Variants in LEF1 observed in about 807,000 individuals in gnomAD.
LEF1 encodes the protein lymphoid enhancer binding factor 1.
A neutral mutation model predicts 51.2 loss-of-function variants in LEF1; 14 were observed. That is an observed-to-expected ratio of 0.27 (90% CI 0.18 to 0.43). LEF1 has a LOEUF of 0.43. Among genes scored for constraint, LEF1 ranks in the 20% least tolerant of loss-of-function variants. The probability of loss-of-function intolerance (pLI) is 1.00; values close to 1 mark genes in which losing one functional copy is unlikely to be tolerated. For missense variants in LEF1, 386 were observed against 512.0 expected (o/e 0.75, Z 2.37); for synonymous variants, 185 against 183.2 (o/e 1.01, Z -0.08).
chr4:108,113,689 T>C (rs1281050692), intron 3 of LEF1, among the ~76,000 whole-genome samples: 1 of 152,164 alleles, frequency 6.6e-6, no homozygotes, highest in Non-Finnish European at 1.5e-5. Context: ...GATGGGCAAA[T>C]GCAAAACAGC....
At chr4:108,077,944 G>A (rs995544888) in intron 8 of LEF1, among the ~76,000 whole-genome samples, 1 of 152,194 alleles carries the variant, frequency 6.6e-6, no homozygotes, top group Non-Finnish European at 1.5e-5. Flanking sequence ...GGGAGGTTGA[G>A]GTGGGAGGAT....
intron 3 of LEF1, among the ~76,000 whole-genome samples, chr4:108,135,607 G>T (rs1008814427): frequency 3.3e-5 from 5 of 152,170 alleles, no homozygotes; most frequent in Non-Finnish European, 7.3e-5. Context: ...CTGCTAGCCG[G>T]CAAGAACAGG....
chr4:108,060,366 C>T (rs1560758132), intron 11 of LEF1, among the ~76,000 whole-genome samples: 5 of 152,088 alleles, frequency 3.3e-5, no homozygotes, highest in African/African-American at 1.2e-4. Context: ...CAAAGCAGAC[C>T]AGAAAGTTGG....
intron 3 of LEF1, among the ~76,000 whole-genome samples, chr4:108,113,150 T>C (rs538014507): frequency 1.9e-4 from 29 of 152,212 alleles, no homozygotes; most frequent in Non-Finnish European, 4.3e-4. Context: ...TTTAGTGCCA[T>C]ACAGTTCACT....
At chr4:108,079,007 C>T (rs1448094559) in intron 7 of LEF1, among the ~76,000 whole-genome samples, 1 of 152,208 alleles carries the variant, frequency 6.6e-6, no homozygotes, top group Non-Finnish European at 1.5e-5. Flanking sequence ...CCTGCACTCA[C>T]AGTCTGAGAC....
At chr4:108,121,108 C>T (rs1742153616) in intron 3 of LEF1, among the ~76,000 whole-genome samples, 3 of 152,198 alleles carry the variant, frequency 2.0e-5, no homozygotes, top group South Asian at 4.1e-4. Context: ...TAAAAAGACA[C>T]ATGTGCTTAA....
chr4:108,143,078 G>T (rs139309791), intron 3 of LEF1, among the ~76,000 whole-genome samples: 1 of 152,094 alleles, frequency 6.6e-6, no homozygotes, highest in Admixed American at 6.5e-5. Flanking sequence ...AGTAATTGGC[G>T]AACAAAAGCC....
chr4:108,086,034 A>G (rs994754051), intron 4 of LEF1, among the ~76,000 whole-genome samples: 2 of 152,224 alleles, frequency 1.3e-5, no homozygotes, highest in African/African-American at 4.8e-5. Flanking sequence ...GACCCATTCC[A>G]TATGCTGGGT....
At chr4:108,137,837 A>T (rs1202260439) in intron 3 of LEF1, among the ~76,000 whole-genome samples, 1 of 152,206 alleles carries the variant, frequency 6.6e-6, no homozygotes, top group Non-Finnish European at 1.5e-5. Flanking sequence ...TATAGAATAT[A>T]TCAACCCAAT....
rs1745472584 is a variant in LEF1, at chr4:108,167,308, G to C, written c.213+247C>G. Among the ~76,000 whole-genome samples, 1 of 149,668 alleles carries C rather than the reference G, an allele frequency of 6.7e-6. No individual in the cohort carries two copies. Among genetic ancestry groups the C allele is most frequent in the Non-Finnish European group, 1.5e-5 (1 of 67,710 alleles). On this transcript the variant is annotated intron_variant, in intron 1 of 11. Transcript: ENST00000265165. This position sits in a 1 kb window ranked among gnomAD's most constrained non-coding sequence, Gnocchi z 5.7. ...GTTCAGCCACCGAACCCCCTAAACT[G>C]ATCCATTTGGAATAAGTTACCCTGC...
chr4:108,073,170 G>A (rs947095005), intron 8 of LEF1, among the ~76,000 whole-genome samples: 1 of 152,200 alleles, frequency 6.6e-6, no homozygotes, highest in African/African-American at 2.4e-5. Flanking sequence ...CAGATCACTG[G>A]AGGCCAGTGG....
At chr4:108,059,183 G>A (rs181570600) in intron 11 of LEF1, among the ~76,000 whole-genome samples, 48 of 152,282 alleles carry the variant, frequency 3.2e-4, no homozygotes, top group African/African-American at 9.1e-4. Flanking sequence ...AGAAACATAC[G>A]GGGAGACAGG....
Position 108,089,223 on chromosome 4 carries a change from G to T in LEF1, c.449C>A (p.Ala150Glu). The T allele has an allele frequency of 2.5e-6, 4 of 1,613,938 alleles. No homozygotes were observed. The highest frequency in any genetic ancestry group is 1.7e-6 in the Non-Finnish European group (2 of 1,179,896). ...NKVPVVQPSHAVHPLTPLITY... is the reference protein window; with the variant it reads ...NKVPVVQPSHEVHPLTPLITY... Reference sequence around the variant, plus strand: ...GATGAGGGGGGTGAGAGGATGGACCGCATGGGATGGCTGCACCACGGGCAC... The same window carrying T: ...GATGAGGGGGGTGAGAGGATGGACCTCATGGGATGGCTGCACCACGGGCAC... The change falls in exon 4 of 12, where the codon GCG (alanine) becomes GAG (glutamate). Residue 150 changes from alanine (A) to glutamate (E), a missense_variant. Ala to Glu is a moderately radical substitution (Grantham distance 107, BLOSUM62 -1). Coordinates refer to ENST00000265165, the MANE Select transcript of LEF1 (RefSeq NM_016269.5).
At chr4:108,085,745 G>A (rs1329722540) in intron 4 of LEF1, among the ~76,000 whole-genome samples, 1 of 152,142 alleles carries the variant, frequency 6.6e-6, no homozygotes, top group Non-Finnish European at 1.5e-5. Flanking sequence ...TCCTCTCATA[G>A]GCAATTTTCT....
At chr4:108,086,728 C>G (rs757327358) in intron 4 of LEF1, among the ~76,000 whole-genome samples, 9 of 152,008 alleles carry the variant, frequency 5.9e-5, no homozygotes, top group Non-Finnish European at 1.3e-4. Flanking sequence ...AAACAGACAT[C>G]TAAACCTAGG....
At chr4:108,051,148 A>C (rs1191691496) in intron 11 of LEF1, among the ~76,000 whole-genome samples, 1 of 152,036 alleles carries the variant, frequency 6.6e-6, no homozygotes, top group African/African-American at 2.4e-5. Flanking sequence ...CCCACCTGTT[A>C]TTTCCTTATT....
At chr4:108,162,399 A>G (rs1745119032) in intron 3 of LEF1, among the ~76,000 whole-genome samples, 1 of 152,172 alleles carries the variant, frequency 6.6e-6, no homozygotes, top group African/African-American at 2.4e-5. Flanking sequence ...CAACAACTGA[A>G]GATTATGTGT....
Position 108,083,416 on chromosome 4 carries a change from A to T in LEF1, c.578T>A (p.Ile193Asn). 6.2e-7 allele frequency: 1 copy of T among 1,613,654 alleles called. No homozygotes were observed. Among genetic ancestry groups the T allele is most frequent in the East Asian group, 2.2e-5 (1 of 44,854 alleles). ...CGGAGACAAGGGATAAAAAGTAGGG[A>T]TATCAGGAGCTGGAGGATGTCTGGA... ...GMSRHPPAPD[I>N]PTFYPLSPGG... Residue 193 changes from isoleucine (I) to asparagine (N), a missense_variant, in exon 5 of 12, where the codon ATC becomes AAC. This residue lies in a region of LEF1 where 335 missense variants were observed against 390.7 expected (regional missense o/e 0.86). Coordinates refer to ENST00000265165, the MANE Select transcript of LEF1 (RefSeq NM_016269.5).
chr4:108,163,516 C>A, intron 3 of LEF1, 52 bp downstream of exon 3: 2 of 1,580,600 alleles, frequency 1.3e-6, no homozygotes, highest in South Asian at 2.3e-5. Context: ...TGCCAAAATA[C>A]AAATCAATTT....
Sources: gnomAD v4.1 joint callset for allele counts (sites outside exome capture counted in the v4.1 genomes callset) on GRCh38, gnomAD v4.1.1 for gene constraint, gnomAD v4.1.1 regional missense constraint, Gnocchi (gnomAD v3.1) non-coding constraint, MANE v1.5 for transcripts, NCBI Gene and HGNC (gene_info 2026-07-23, HGNC 2026-07-21) for gene names.